Variants in SPECC1 observed in about 807,000 individuals in gnomAD.
SPECC1 encodes the protein sperm antigen with calponin homology and coiled-coil domains 1.
SPECC1 carries 62 observed loss-of-function variants against 104.1 expected under a neutral mutation model. That is an observed-to-expected ratio of 0.60 (90% CI 0.49 to 0.74). The LOEUF (loss-of-function observed/expected upper bound fraction) is 0.74, where lower values mean the gene tolerates loss of function less well. Among genes scored for constraint, SPECC1 ranks in the 30% least tolerant of loss-of-function variants. The pLI is 0.00. For synonymous variants in SPECC1, 513 were observed against 501.6 expected, an observed-to-expected ratio of 1.02 and a Z score of -0.30; for missense variants, 1,306 against 1,310.5, an observed-to-expected ratio of 1.00 and a Z score of 0.05.
At chr17:20,084,255 C>G (rs2152493732) in intron 1 of SPECC1, among the ~76,000 whole-genome samples, 1 of 152,138 alleles carries the variant, frequency 6.6e-6, no homozygotes, top group Middle Eastern at 3.4e-3. Flanking sequence ...ATGGTGAAAC[C>G]CTGTCTCTAC....
At chr17:20,049,794 AT>A (rs921944682) in intron 1 of SPECC1, among the ~76,000 whole-genome samples, 78 of 150,736 alleles carry the variant, frequency 5.2e-4, no homozygotes, top group African/African-American at 1.6e-3. Context: ...TACTATTTTC[AT>A]TTTTTTCTTT....
chr17:20,257,318 T>C, intron 10 of SPECC1, 133 bp from the exon 11 acceptor site: 1 of 1,070,010 alleles, frequency 9.3e-7, no homozygotes, highest in Non-Finnish European at 1.3e-6. Flanking sequence ...ATTGCATTTT[T>C]ATTACTTCAG....
At chr17:20,053,554 G>A (rs949717889) in intron 1 of SPECC1, among the ~76,000 whole-genome samples, 1 of 152,200 alleles carries the variant, frequency 6.6e-6, no homozygotes, top group African/African-American at 2.4e-5. Context: ...GAACACTGTG[G>A]CTTCCTCCTT....
intron 4 of SPECC1, among the ~76,000 whole-genome samples, chr17:20,218,828 A>G (rs1478061716): frequency 2.0e-5 from 3 of 152,196 alleles, no homozygotes; most frequent in South Asian, 2.1e-4. Context: ...AGCCTCTGGT[A>G]ATCATTCTAC....
chr17:20,096,658 A>T lies in SPECC1; in HGVS notation c.7A>T (p.Ser3Cys), dbSNP rs774718855. Residue 3 changes from serine to cysteine, a missense_variant, in exon 2 of 15, where the codon AGT (serine) becomes TGT (cysteine). Ser to Cys is a moderately radical substitution (Grantham distance 112). Around this residue, in one of 2 missense-constraint regions of SPECC1, gnomAD observed 1,177 missense variants for 1,139.9 expected, o/e 1.03. Coordinates refer to ENST00000395527, the MANE Select transcript of SPECC1 (RefSeq NM_001243439.2). Reference protein sequence around the residue: MRSAAKPWNPAIR... With the variant: MRCAAKPWNPAIR... Reference sequence around the variant, plus strand: ...CAGACCCACGAAGTCAAGCATGCGGAGTGCAGCCAAGCCCTGGAACCCAGC... The same window carrying T: ...CAGACCCACGAAGTCAAGCATGCGGTGTGCAGCCAAGCCCTGGAACCCAGC... 50 of 1,612,206 alleles carry T rather than the reference A, an allele frequency of 3.1e-5. No individual in the cohort carries two copies. In the Admixed American group the frequency reaches 8.4e-4, roughly 27 times the overall value.
At chr17:20,116,803 C>CTTTTTTTTTTTTTTTTTTT (rs58127201) in intron 3 of SPECC1, among the ~76,000 whole-genome samples, 1 of 50,424 alleles carries the variant, frequency 2.0e-5, no homozygotes, top group Non-Finnish European at 3.7e-5. Context: ...TGTCTGGAGA[C>CTTTTTTTTTTTTTTTTTTT]TTTTTTTTTT....
At chr17:20,116,562 A>AAGCATAT (rs2048764434) in intron 3 of SPECC1, among the ~76,000 whole-genome samples, 1 of 152,192 alleles carries the variant, frequency 6.6e-6, no homozygotes, top group African/African-American at 2.4e-5. Context: ...AAATAAGTGA[A>AAGCATAT]AGCATATATG....
intron 12 of SPECC1, among the ~76,000 whole-genome samples, chr17:20,282,894 G>A (rs927912890): frequency 1.3e-5 from 2 of 152,108 alleles, no homozygotes; most frequent in African/African-American, 4.8e-5. Flanking sequence ...TAAATAATTG[G>A]CTGGGTGCGT....
intron 1 of SPECC1, among the ~76,000 whole-genome samples, chr17:20,034,571 C>T (rs1429508930): frequency 1.3e-5 from 2 of 151,284 alleles, no homozygotes; most frequent in Admixed American, 6.6e-5. Context: ...GAATTCTTTA[C>T]CTCGCCTTAC....
intron 1 of SPECC1, among the ~76,000 whole-genome samples, chr17:20,069,111 C>T (rs1323832355): frequency 1.3e-5 from 2 of 152,200 alleles, no homozygotes; most frequent in Non-Finnish European, 2.9e-5. Context: ...CTCCCTCCTC[C>T]AAGCCTCCAC....
chr17:20,236,749 G>T, intron 7 of SPECC1: 2 of 1,383,156 alleles, frequency 1.4e-6, no homozygotes, highest in African/African-American at 1.5e-5. Context: ...CTGGACATTA[G>T]CTTTTCCCTG....
Position 20,071,707 on chromosome 17 carries a change from T to A in SPECC1, c.-21-24924T>A, listed in dbSNP as rs182321316. On this transcript the variant is annotated intron_variant, in intron 1 of 14. Transcript: ENST00000395527. ...TTTATAGATGCTATTGTAAGTAGGA[T>A]TTTTTTTAACGTGATAACTTATTTA... 5.5e-4 allele frequency among the ~76,000 whole-genome samples: 83 copies of A among 151,734 alleles called. 1 individual carries two copies. The highest frequency in any genetic ancestry group is 9.7e-4 in the Non-Finnish European group (66 of 67,810).
At chr17:20,195,504 A>G (rs1422749130) in intron 3 of SPECC1, among the ~76,000 whole-genome samples, 2 of 152,196 alleles carry the variant, frequency 1.3e-5, no homozygotes, top group African/African-American at 2.4e-5. Context: ...TATGATTTTT[A>G]TATCAAATAA....
intron 1 of SPECC1, among the ~76,000 whole-genome samples, chr17:20,082,228 C>G (rs1204500784): frequency 6.6e-6 from 1 of 152,172 alleles, no homozygotes; most frequent in African/African-American, 2.4e-5. Context: ...CCTACCCATC[C>G]TTCAGAGTTG....
intron 13 of SPECC1, among the ~76,000 whole-genome samples, chr17:20,303,599 G>T (rs759647063): frequency 2.0e-4 from 31 of 152,108 alleles, no homozygotes; most frequent in Non-Finnish European, 2.4e-4. Flanking sequence ...ATGGAAAAGG[G>T]TATAAAATGA....
chr17:20,283,494 G>A (rs1348231972), intron 12 of SPECC1, among the ~76,000 whole-genome samples: 2 of 152,100 alleles, frequency 1.3e-5, no homozygotes, highest in Non-Finnish European at 2.9e-5. Context: ...TTTATTTTCT[G>A]GTGAGACTGA....
At chr17:20,189,232 C>CT (rs1555623842) in intron 3 of SPECC1, among the ~76,000 whole-genome samples, 1 of 152,144 alleles carries the variant, frequency 6.6e-6, no homozygotes, top group Non-Finnish European at 1.5e-5. Context: ...AGACTGTGGG[C>CT]TTTATTTTCC....
At chr17:20,077,985 C>G (rs891373345) in intron 1 of SPECC1, among the ~76,000 whole-genome samples, 4 of 151,832 alleles carry the variant, frequency 2.6e-5, no homozygotes, top group Admixed American at 6.6e-5. Context: ...AAAACACACA[C>G]ACACACTGAA....
intron 3 of SPECC1, among the ~76,000 whole-genome samples, chr17:20,148,726 C>CT (rs922434394): frequency 1.6e-4 from 24 of 147,750 alleles, no homozygotes; most frequent in East Asian, 4.0e-4. Context: ...GAATTGTATT[C>CT]TTTTTTTTTT....
Sources: allele counts gnomAD v4.1 joint callset (sites outside exome capture counted in the v4.1 genomes callset), GRCh38; gene constraint gnomAD v4.1.1; regional missense constraint gnomAD v4.1.1; transcripts MANE v1.5; gene names NCBI Gene and HGNC (gene_info 2026-07-23, HGNC 2026-07-21).